Variants in CPA6 observed in about 807,000 individuals in gnomAD.
CPA6 encodes carboxypeptidase B.
CPA6 carries 58 observed loss-of-function variants against 63.3 expected under a neutral mutation model. The observed-to-expected ratio is 0.92, with a 90% CI of 0.74 to 1.14. The LOEUF is 1.14. CPA6 is among the 50% of genes most tolerant of loss of function. CPA6 has a pLI of 0.00. For missense variants in CPA6, 565 were observed against 526.6 expected (o/e 1.07, Z -0.71); for synonymous variants, 185 against 179.0 (o/e 1.03, Z -0.27).
At chr8:67,616,069 A>G (rs1814940193) in intron 2 of CPA6, among the ~76,000 whole-genome samples, 4 of 152,130 alleles carry the variant, frequency 2.6e-5, no homozygotes, top group African/African-American at 7.2e-5. Flanking sequence ...TGAAGTCTAT[A>G]CCCTAGGCCA....
chr8:67,566,935 G>A (rs1049195837), intron 2 of CPA6, among the ~76,000 whole-genome samples: 1 of 152,204 alleles, frequency 6.6e-6, no homozygotes, highest in Non-Finnish European at 1.5e-5. Context: ...GGAGTGAAAG[G>A]TGGCCACTCT....
chr8:67,533,436 T>C (rs1324193914), intron 2 of CPA6, among the ~76,000 whole-genome samples: 1 of 152,266 alleles, frequency 6.6e-6, no homozygotes, highest in Non-Finnish European at 1.5e-5. Flanking sequence ...GGCATGACTT[T>C]ATCTCCTGAT....
intron 2 of CPA6, among the ~76,000 whole-genome samples, chr8:67,561,089 C>T (rs1204259865): frequency 6.6e-6 from 1 of 152,148 alleles, no homozygotes. Context: ...ATTAATCATT[C>T]TGTTACAACC....
At chr8:67,496,555 A>ATATATATATATATATATT (rs1199617624) in intron 6 of CPA6, among the ~76,000 whole-genome samples, 2 of 101,014 alleles carry the variant, frequency 2.0e-5, no homozygotes, top group Admixed American at 1.0e-4. Context: ...ATATATATAT[A>ATATATATATATATATATT]TATTTATTTT....
At chr8:67,652,841 T>C (rs1815881299) in intron 1 of CPA6, among the ~76,000 whole-genome samples, 2 of 151,824 alleles carry the variant, frequency 1.3e-5, no homozygotes, top group Non-Finnish European at 2.9e-5. Flanking sequence ...TGGTATTGCC[T>C]AGGTTTTCTT....
At chr8:67,656,084 G>A (rs1159772083) in intron 1 of CPA6, among the ~76,000 whole-genome samples, 3 of 152,000 alleles carry the variant, frequency 2.0e-5, no homozygotes, top group African/African-American at 4.8e-5. Context: ...GCAGGCAATT[G>A]GAGAAGTTGG....
At chr8:67,645,608 A>G (rs1204475560) in intron 1 of CPA6, among the ~76,000 whole-genome samples, 2 of 152,374 alleles carry the variant, frequency 1.3e-5, no homozygotes, top group East Asian at 1.9e-4. Flanking sequence ...GTCTTTGCCA[A>G]TTAAACGATA....
At chr8:67,437,804 A>G (rs1810195831) in intron 8 of CPA6, among the ~76,000 whole-genome samples, 1 of 152,248 alleles carries the variant, frequency 6.6e-6, no homozygotes, top group African/African-American at 2.4e-5. Flanking sequence ...ATGAAAGGGC[A>G]TGAAAAATAA....
intron 1 of CPA6, among the ~76,000 whole-genome samples, chr8:67,647,879 C>A (rs1406114578): frequency 6.6e-6 from 1 of 152,066 alleles, no homozygotes; most frequent in Non-Finnish European, 1.5e-5. Flanking sequence ...CCCTAAAAAT[C>A]ATTTACTACC....
At chr8:67,669,631 C>T (rs1816301135) in intron 1 of CPA6, among the ~76,000 whole-genome samples, 4 of 152,166 alleles carry the variant, frequency 2.6e-5, no homozygotes, top group Non-Finnish European at 4.4e-5. Context: ...CCTCACCTTT[C>T]CCCTTCCCTT....
intron 1 of CPA6, among the ~76,000 whole-genome samples, chr8:67,698,733 T>A (rs996729943): frequency 1.3e-5 from 2 of 152,234 alleles, no homozygotes; most frequent in Admixed American, 6.5e-5. Context: ...TTTTAAACCC[T>A]TTTTGTCACA....
intron 2 of CPA6, 88 bp from the exon 3 acceptor site, chr8:67,518,135 A>C: frequency 1.6e-6 from 2 of 1,236,170 alleles, no homozygotes; most frequent in East Asian, 2.5e-5. Flanking sequence ...TTTTGTTTGC[A>C]TATAGTAACA....
In CPA6 at chr8:67,566,238, G is replaced by A. The variant is rs543031807; in HGVS notation, c.193-48191C>T. On this transcript the variant is annotated intron_variant, in intron 2 of 10. Coordinates refer to ENST00000297770, the MANE Select transcript of CPA6 (RefSeq NM_020361.5). ...CTTCCTCCAAAGATAATGCTGTTTG[G>A]ATATAACACTATTGGTCCTGACTCA... Among the ~76,000 whole-genome samples, 680 of 152,298 alleles carry A rather than the reference G, an allele frequency of 4.5e-3. 8 individuals carry two copies. The highest frequency in any genetic ancestry group is 0.015 in the African/African-American group (639 of 41,562).
chr8:67,607,128 TCCTCCTCCCCCTCCTCCC>T (rs1814662766), intron 2 of CPA6, among the ~76,000 whole-genome samples: 1 of 79,032 alleles, frequency 1.3e-5, no homozygotes, highest in Non-Finnish European at 2.3e-5. Context: ...CTCCTCCTCC[TCCTCCTCCCCCTCCTCCC>T]CCCCCTCCTC....
intron 8 of CPA6, among the ~76,000 whole-genome samples, chr8:67,444,613 G>A (rs1276505831): frequency 6.6e-6 from 1 of 151,028 alleles, no homozygotes; most frequent in African/African-American, 2.4e-5. Context: ...GTAAAACCCT[G>A]TCTCTAGTAA....
chr8:67,560,651 A>G (rs1039270733), intron 2 of CPA6, among the ~76,000 whole-genome samples: 3 of 152,076 alleles, frequency 2.0e-5, no homozygotes, highest in Non-Finnish European at 2.9e-5. Flanking sequence ...GAATTGGAGG[A>G]AGCTGAGATT....
At chr8:67,522,563 C>T (rs1028031009) in intron 2 of CPA6, among the ~76,000 whole-genome samples, 11 of 152,192 alleles carry the variant, frequency 7.2e-5, no homozygotes, top group South Asian at 2.1e-4. Flanking sequence ...AGCTGCGAGG[C>T]GGTGGGAATG....
chr8:67,474,085 A>G (rs1201572850), intron 8 of CPA6, among the ~76,000 whole-genome samples: 1 of 152,206 alleles, frequency 6.6e-6, no homozygotes, highest in Non-Finnish European at 1.5e-5. Flanking sequence ...CAGTAGGACC[A>G]TGGAAGCCAT....
intron 1 of CPA6, among the ~76,000 whole-genome samples, chr8:67,638,710 G>A (rs1219836079): frequency 6.6e-6 from 1 of 151,612 alleles, no homozygotes. Flanking sequence ...TCAATTTGAG[G>A]CATTACTGAA....
Sources: gnomAD v4.1 joint callset for allele counts (sites outside exome capture counted in the v4.1 genomes callset) on GRCh38, gnomAD v4.1.1 for gene constraint, MANE v1.5 for transcripts, NCBI Gene and HGNC (gene_info 2026-07-23, HGNC 2026-07-21) for gene names.